GOLGA5: variants seen among roughly 807,000 people sequenced by gnomAD.
GOLGA5 encodes the protein golgin A5.
Under a neutral mutation model 93.5 loss-of-function variants are expected in GOLGA5, and 50 were observed. The ratio of observed to expected loss-of-function variants is 0.53; its 90% CI spans 0.43 to 0.68. The LOEUF (loss-of-function observed/expected upper bound fraction) is 0.68. Ranked by LOEUF, GOLGA5 falls within the 30% of genes least tolerant of loss-of-function variation. The probability of loss-of-function intolerance (pLI) is 0.00; values close to 1 mark genes in which losing one functional copy is unlikely to be tolerated. For missense variants in GOLGA5, 760 were observed against 856.4 expected, an observed-to-expected ratio of 0.89 and a Z score of 1.40; for synonymous variants, 312 against 304.5, an observed-to-expected ratio of 1.02 and a Z score of -0.26.
intron 9 of GOLGA5, among the ~76,000 whole-genome samples, chr14:92,825,855 C>CAAA (rs35982767): frequency 0.069 from 8,001 of 116,590 alleles, 591 homozygotes; most frequent in South Asian, 0.17. Flanking sequence ...GACCCTGTCT[C>CAAA]AAAAAAAAAA....
rs547005998 is a variant in GOLGA5 at position 92,796,508 on chromosome 14, G to A, written c.-30-900G>A. 6.0e-4 allele frequency among the ~76,000 whole-genome samples: 91 copies of A among 152,216 alleles called. 2 individuals carry two copies. The South Asian group carries it at 0.017, about 28-fold the overall frequency. Reference sequence around the variant, plus strand: ...GTGTTGAAATTTCCTCCTCTTAGAAGGACATGCCAATTATATTTGATTAGG... The same window carrying A: ...GTGTTGAAATTTCCTCCTCTTAGAAAGACATGCCAATTATATTTGATTAGG... On this transcript the variant is annotated intron_variant, in intron 1 of 12. Coordinates refer to ENST00000163416, the MANE Select transcript of GOLGA5 (RefSeq NM_005113.4).
chr14:92,797,335 C>G (rs939872327), intron 1 of GOLGA5, 73 bp from the exon 2 acceptor site: 74 of 869,432 alleles, frequency 8.5e-5, no homozygotes, highest in Non-Finnish European at 1.3e-4. Context: ...TTGCCTGACT[C>G]CAGAGTCTGG....
At chr14:92,826,553 CTGGGCATGG>C (rs1885425672) in intron 9 of GOLGA5, among the ~76,000 whole-genome samples, 2 of 151,910 alleles carry the variant, frequency 1.3e-5, no homozygotes, top group South Asian at 4.2e-4. Context: ...AAAAAATTAG[CTGGGCATGG>C]TGGTGCAGAC....
At chr14:92,839,057 C>T (rs1427866451) in intron 12 of GOLGA5, among the ~76,000 whole-genome samples, 6 of 152,194 alleles carry the variant, frequency 3.9e-5, no homozygotes, top group African/African-American at 1.4e-4. Flanking sequence ...TGTTTTCTAA[C>T]CAACTTCATG....
chr14:92,810,485 C>G, intron 5 of GOLGA5, 108 bp downstream of exon 5: 16 of 756,388 alleles, frequency 2.1e-5, no homozygotes, highest in Non-Finnish European at 3.0e-5. Context: ...CAATGCATTT[C>G]AGAAAATTCT....
intron 8 of GOLGA5, among the ~76,000 whole-genome samples, chr14:92,820,111 A>G (rs538354674): frequency 5.4e-4 from 83 of 152,326 alleles, no homozygotes; most frequent in African/African-American, 1.9e-3. Context: ...GGCGCTCAGC[A>G]TACGGAGGAC....
intron 4 of GOLGA5, among the ~76,000 whole-genome samples, chr14:92,809,856 G>A (rs558570590): frequency 6.6e-6 from 1 of 152,296 alleles, no homozygotes; most frequent in East Asian, 1.9e-4. Context: ...CTACTCAGGA[G>A]GCGAGGCAGC....
intron 7 of GOLGA5, among the ~76,000 whole-genome samples, chr14:92,819,343 A>T (rs1885268331): frequency 6.6e-6 from 1 of 152,104 alleles, no homozygotes; most frequent in South Asian, 2.1e-4. Context: ...AGCCCAGCAC[A>T]TAGTAATTGC....
At chr14:92,833,414 CTA>C in intron 10 of GOLGA5, 67 bp downstream of exon 10, 9 of 1,155,472 alleles carry the variant, frequency 7.8e-6, no homozygotes, top group Non-Finnish European at 1.0e-5. Flanking sequence ...TATAGAAGGA[CTA>C]TTTTTATTTG....
intron 10 of GOLGA5, among the ~76,000 whole-genome samples, chr14:92,834,184 C>CTTTTTTTTTTTTTTTTTT (rs35449807): frequency 2.1e-4 from 28 of 135,054 alleles, no homozygotes; most frequent in Non-Finnish European, 2.8e-4. Flanking sequence ...TAGGTTTCAC[C>CTTTTTTTTTTTTTTTTTT]TTTTTTTTTT....
At chr14:92,810,996 A>G (rs1040830) in intron 5 of GOLGA5, among the ~76,000 whole-genome samples, 122,939 of 152,282 alleles carry the variant, frequency 0.81, 50,163 homozygotes, top group African/African-American at 0.91. Flanking sequence ...GGTGAAAGTA[A>G]TTCAGTCCTG....
At chr14:92,795,278 T>C (rs7151645) in intron 1 of GOLGA5, among the ~76,000 whole-genome samples, 112,229 of 152,106 alleles carry the variant, frequency 0.74, 41,849 homozygotes, top group East Asian at 0.85. Context: ...TTCATCTCCA[T>C]TTTCATTTGA....
chr14:92,809,209 G>A (rs572057805), intron 3 of GOLGA5, 91 bp from the exon 4 acceptor site: 343 of 806,452 alleles, frequency 4.3e-4, no homozygotes, highest in Middle Eastern at 2.4e-3. Flanking sequence ...AATAAGGAAA[G>A]TACTAAAGGC....
rs2140316846 is a variant in GOLGA5 at position 92,806,745 on chromosome 14, G to A, written c.554G>A (p.Ser185Asn). Residue 185 changes from serine to asparagine, a missense_variant, in exon 3 of 13, where the codon AGT (serine) becomes AAT (asparagine). Physicochemically the swap from Ser to Asn is conservative, Grantham distance 46. Coordinates refer to ENST00000163416, the MANE Select transcript of GOLGA5 (RefSeq NM_005113.4). ...SFGSQTHEAA[S>N]NSDSSHEGQE... ...ATTCTTTTTTTTACAGAAGCTGCCA[G>A]TAACTCAGATTCTAGCCATGAAGGT... The A allele has an allele frequency of 1.2e-6, 2 of 1,609,732 alleles. No individual in the cohort carries two copies. Among genetic ancestry groups the A allele is most frequent in the South Asian group, 2.2e-5 (2 of 91,004 alleles).
chr14:92,797,412 G>T lies in GOLGA5; in HGVS notation c.-26G>T. ...CATTTTATGTCCTTTTTACAGGTTT[G>T]CCAATAGGATTATCCTGCTGCCATC... On this transcript the variant is annotated 5_prime_UTR_variant, in exon 2 of 13. Coordinates refer to ENST00000163416, the MANE Select transcript of GOLGA5 (RefSeq NM_005113.4). 6.4e-7 allele frequency: 1 copy of T among 1,553,068 alleles called. No homozygotes were observed. Among genetic ancestry groups the T allele is most frequent in the South Asian group, 1.2e-5 (1 of 81,526 alleles).
At chr14:92,810,562 T>C (rs1885083687) in intron 5 of GOLGA5, 185 bp downstream of exon 5, 3 of 406,254 alleles carry the variant, frequency 7.4e-6, no homozygotes, top group African/African-American at 2.1e-5. Context: ...TTTAATTTTA[T>C]GTGTTGAGAG....
intron 10 of GOLGA5, 136 bp from the exon 11 acceptor site, chr14:92,835,423 T>A (rs181449033): frequency 6.2e-6 from 3 of 485,980 alleles, no homozygotes; most frequent in Admixed American, 3.4e-5. Flanking sequence ...TTCTTTATAG[T>A]TTCATCTACT....
intron 10 of GOLGA5, among the ~76,000 whole-genome samples, chr14:92,834,391 T>G (rs1191059992): frequency 1.3e-5 from 2 of 151,684 alleles, no homozygotes; most frequent in African/African-American, 4.8e-5. Flanking sequence ...GAGTGTGATG[T>G]TCCCCTTCCT....
At chr14:92,806,188 A>G in intron 2 of GOLGA5, among the ~76,000 whole-genome samples, 1 of 152,198 alleles carries the variant, frequency 6.6e-6, no homozygotes, top group East Asian at 1.9e-4. Context: ...TCTCCCCAGA[A>G]TGGTGTTGTA....
Sources: gnomAD v4.1 joint callset for allele counts (sites outside exome capture counted in the v4.1 genomes callset) on GRCh38, gnomAD v4.1.1 for gene constraint, MANE v1.5 for transcripts, NCBI Gene and HGNC (gene_info 2026-07-23, HGNC 2026-07-21) for gene names.